The following TMEM132D variants were observed in gnomAD, a reference collection of about 807,000 sequenced individuals.
TMEM132D encodes transmembrane protein 132D, also known as mature OL transmembrane protein.
TMEM132D carries 21 observed loss-of-function variants against 62.3 expected under a neutral mutation model. The ratio of observed to expected loss-of-function variants is 0.34; its 90% CI spans 0.24 to 0.49. The LOEUF is 0.49. Among genes scored for constraint, TMEM132D ranks in the 20% least tolerant of loss-of-function variants. TMEM132D has a pLI of 0.99. For synonymous variants in TMEM132D, 621 were observed against 575.6 expected (o/e 1.08, Z -1.13); for missense variants, 1,346 against 1,402.8 (o/e 0.96, Z 0.65).
At chr12:129,327,835 C>A (rs1270045493) in intron 4 of TMEM132D, among the ~76,000 whole-genome samples, 1 of 152,188 alleles carries the variant, frequency 6.6e-6, no homozygotes, top group African/African-American at 2.4e-5. Context: ...AAAAATAAAT[C>A]ATGATCATAT....
intron 4 of TMEM132D, among the ~76,000 whole-genome samples, chr12:129,221,862 TA>T (rs763022452): frequency 6.6e-6 from 1 of 152,172 alleles, no homozygotes; most frequent in African/African-American, 2.4e-5. Flanking sequence ...GTGGGTTTTT[TA>T]TTTCTTCCAC....
At chr12:129,825,759 C>T (rs1231174844) in intron 1 of TMEM132D, among the ~76,000 whole-genome samples, 3 of 152,044 alleles carry the variant, frequency 2.0e-5, no homozygotes, top group Non-Finnish European at 2.9e-5. Context: ...CCTTCCAGGC[C>T]CACACTTTAA....
Position 129,074,283 on chromosome 12 carries a change from C to G in TMEM132D, c.2892G>C (p.Trp964Cys), listed in dbSNP as rs1565954549. 1 of 1,614,100 alleles carries G rather than the reference C, an allele frequency of 6.2e-7. No homozygotes were observed. Among genetic ancestry groups the G allele is most frequent in the Middle Eastern group, 1.6e-4 (1 of 6,062 alleles). Residue 964 changes from tryptophan to cysteine, a missense_variant, in exon 9 of 9, where the codon TGG (tryptophan) becomes TGC (cysteine). By Grantham distance (215) the Trp-to-Cys change is radical (BLOSUM62 -2). Coordinates refer to ENST00000422113, the MANE Select transcript of TMEM132D (RefSeq NM_133448.3). ...GCTCTGTCCGGTTGCTTAACCCAAC[C>G]CAGTCATGAGAGTGACTCATCCCTT... Reference protein sequence around the residue: ...EQEGMSHSHDWVGLSNRTELL... With the variant: ...EQEGMSHSHDCVGLSNRTELL...
At chr12:129,087,452 G>A (rs1292680627) in intron 5 of TMEM132D, among the ~76,000 whole-genome samples, 1 of 150,698 alleles carries the variant, frequency 6.6e-6, no homozygotes, top group African/African-American at 2.4e-5. Flanking sequence ...GATAGGGAGA[G>A]CATCCTAGAT....
At chr12:129,078,323 G>A (rs577822799) in intron 8 of TMEM132D, among the ~76,000 whole-genome samples, 14 of 152,278 alleles carry the variant, frequency 9.2e-5, no homozygotes, top group Middle Eastern at 6.8e-3. Flanking sequence ...ATGTATATAT[G>A]TATTTATTTT....
At chr12:129,080,574 T>A (rs1298708780) in intron 7 of TMEM132D, among the ~76,000 whole-genome samples, 1 of 152,226 alleles carries the variant, frequency 6.6e-6, no homozygotes, top group Non-Finnish European at 1.5e-5. Context: ...TAGTCTCAGT[T>A]ATAATGATTC....
intron 2 of TMEM132D, among the ~76,000 whole-genome samples, chr12:129,564,320 T>A (rs1332242259): frequency 6.6e-6 from 1 of 152,212 alleles, no homozygotes; most frequent in Non-Finnish European, 1.5e-5. Context: ...GCAAAACACA[T>A]GGCAGAAAGT....
intron 1 of TMEM132D, among the ~76,000 whole-genome samples, chr12:129,795,108 C>G (rs1020234838): frequency 6.6e-6 from 1 of 152,142 alleles, no homozygotes; most frequent in Non-Finnish European, 1.5e-5. Flanking sequence ...CACTAAAAAC[C>G]TCCTTACATT....
chr12:129,227,431 C>A (rs983141075), intron 4 of TMEM132D, among the ~76,000 whole-genome samples: 1 of 149,042 alleles, frequency 6.7e-6, no homozygotes, highest in Non-Finnish European at 1.5e-5. Context: ...TGGGCCCCCA[C>A]ATAATGGGTT....
intron 2 of TMEM132D, among the ~76,000 whole-genome samples, chr12:129,597,169 C>T (rs1593081943): frequency 6.6e-6 from 1 of 152,028 alleles, no homozygotes; most frequent in Non-Finnish European, 1.5e-5. Flanking sequence ...ATTTTCTATC[C>T]ACAGTTGGTT....
At chr12:129,289,191 C>A (rs1881379245) in intron 4 of TMEM132D, among the ~76,000 whole-genome samples, 1 of 151,908 alleles carries the variant, frequency 6.6e-6, no homozygotes, top group Non-Finnish European at 1.5e-5. Flanking sequence ...AAACCTTGTA[C>A]CTATAGTTAA....
At chr12:129,219,178 G>C (rs1459222931) in intron 4 of TMEM132D, among the ~76,000 whole-genome samples, 4 of 152,170 alleles carry the variant, frequency 2.6e-5, no homozygotes, top group Non-Finnish European at 5.9e-5. Flanking sequence ...TGTGTCATGG[G>C]AGGGACCTGG....
intron 5 of TMEM132D, among the ~76,000 whole-genome samples, chr12:129,174,995 T>C (rs1877861927): frequency 6.6e-6 from 1 of 152,254 alleles, no homozygotes; most frequent in South Asian, 2.1e-4. Context: ...GATGGGTAGA[T>C]TGCAAACATT....
chr12:129,217,922 C>A (rs778476733), intron 4 of TMEM132D, among the ~76,000 whole-genome samples: 1 of 152,170 alleles, frequency 6.6e-6, no homozygotes, highest in Non-Finnish European at 1.5e-5. Context: ...GAAGCTATCA[C>A]TTCTCCTGTG....
intron 1 of TMEM132D, among the ~76,000 whole-genome samples, chr12:129,711,138 G>A (rs548821178): frequency 2.6e-5 from 4 of 152,238 alleles, no homozygotes; most frequent in African/African-American, 4.8e-5. Flanking sequence ...GAAATGTAAC[G>A]CTTCATTGGC....
At chr12:129,840,832 A>G (rs1053611437) in intron 1 of TMEM132D, among the ~76,000 whole-genome samples, 4 of 152,266 alleles carry the variant, frequency 2.6e-5, no homozygotes, top group African/African-American at 9.6e-5. Context: ...ACAATTAAAT[A>G]AGACAATACT....
chr12:129,807,188 C>T (rs1443028102), intron 1 of TMEM132D, among the ~76,000 whole-genome samples: 2 of 152,142 alleles, frequency 1.3e-5, no homozygotes, highest in African/African-American at 2.4e-5. Context: ...CAGTCACGAC[C>T]GTAATTAGCA....
At chr12:129,079,694 A>G (rs1874391506) in intron 7 of TMEM132D, among the ~76,000 whole-genome samples, 1 of 152,188 alleles carries the variant, frequency 6.6e-6, no homozygotes, top group Non-Finnish European at 1.5e-5. Flanking sequence ...GAGACCAGGA[A>G]TCAAAGCTCC....
At chr12:129,161,115 G>A (rs1877388611) in intron 5 of TMEM132D, among the ~76,000 whole-genome samples, 1 of 152,198 alleles carries the variant, frequency 6.6e-6, no homozygotes, top group Admixed American at 6.5e-5. Flanking sequence ...ATCTTCTGGT[G>A]GGTATGTGCC....
Sources: allele counts gnomAD v4.1 joint callset (sites outside exome capture counted in the v4.1 genomes callset), GRCh38; gene constraint gnomAD v4.1.1; transcripts MANE v1.5; gene names NCBI Gene and HGNC (gene_info 2026-07-23, HGNC 2026-07-21).